The following HAO2 variants were observed in gnomAD, a reference collection of about 807,000 sequenced individuals.
The protein encoded by HAO2 is hydroxyacid oxidase 2.
In HAO2, 42 loss-of-function variants were observed where a neutral mutation model predicts 37.4. The observed-to-expected ratio is 1.12, with a 90% CI of 0.88 to 1.45. The LOEUF is 1.45. Ranked by LOEUF, HAO2 falls within the 40% of genes most tolerant of loss-of-function variation. HAO2 has a pLI of 0.00. For synonymous variants in HAO2, 180 were observed against 162.8 expected (o/e 1.11, Z -0.81); for missense variants, 476 against 430.2 (o/e 1.11, Z -0.94).
intron 4 of HAO2, 111 bp from the exon 5 acceptor site, chr1:119,386,511 C>T (rs1437422402): frequency 1.4e-6 from 1 of 710,620 alleles, no homozygotes; most frequent in Non-Finnish European, 2.5e-6. Flanking sequence ...CAGCCCTGTT[C>T]TTCCTCCTTC....
In HAO2 at chr1:119,392,647, C is replaced by T. The variant is rs1651007051; in HGVS notation, c.960C>T (p.Asn320=). ...KGEHGVKEVL[N]ILTNEFHTSM... is the part of the protein sequence containing the mutation. ...AACATGGTGTTAAGGAAGTTTTGAA[C>T]ATTTTAACAAATGAGTTCCACACTT... The change falls in exon 7 of 8, where the codon AAC becomes AAT. Residue 320 remains asparagine (N), a synonymous_variant. Transcript: ENST00000325945. 1 of 1,610,372 alleles carries T rather than the reference C, an allele frequency of 6.2e-7. No individual in the cohort carries two copies. The highest frequency in any genetic ancestry group is 8.5e-7 in the Non-Finnish European group (1 of 1,176,694).
Position 119,392,221 on chromosome 1 carries a change from A to G in HAO2, c.883A>G (p.Lys295Glu), listed in dbSNP as rs770039819. The change falls in exon 6 of 8, where the codon AAG becomes GAG. Residue 295 changes from lysine to glutamate, a missense_variant. Coordinates refer to ENST00000325945, the MANE Select transcript of HAO2 (RefSeq NM_016527.4). ...DVLKALALGA[K>E]CIFLGRPILW... is the part of the protein sequence containing the mutation. Reference sequence around the variant, plus strand: ...GCTGAAGGCTCTGGCCCTTGGAGCTAAGTGCATTTTTCTTGGGAGACCAAT... The same window carrying G: ...GCTGAAGGCTCTGGCCCTTGGAGCTGAGTGCATTTTTCTTGGGAGACCAAT... 5 of 1,613,252 alleles carry G rather than the reference A, an allele frequency of 3.1e-6. No individual in the cohort carries two copies. The highest frequency in any genetic ancestry group is 4.2e-6 in the Non-Finnish European group (5 of 1,179,528).
At chr1:119,381,398 G>A (rs1369552273) in intron 2 of HAO2, among the ~76,000 whole-genome samples, 182 bp downstream of exon 2, 1 of 152,072 alleles carries the variant, frequency 6.6e-6, no homozygotes, top group East Asian at 1.9e-4. Flanking sequence ...ATGGGAAGAT[G>A]GAAAAAGAGG....
intron 3 of HAO2, among the ~76,000 whole-genome samples, chr1:119,384,294 T>C (rs587669646): frequency 2.6e-5 from 4 of 152,322 alleles, no homozygotes; most frequent in African/African-American, 9.6e-5. Context: ...ATAAAGAAAA[T>C]GAGAGACTCA....
rs587611967 is a variant in HAO2 at position 119,370,713 on chromosome 1, G to A, written c.-9+1811G>A. Reference sequence around the variant, plus strand: ...TGACTCCCTCAGTCATTAGTTCCTTGGGCACAGTTGATCGGTGGAAAGCAA... The same window carrying A: ...TGACTCCCTCAGTCATTAGTTCCTTAGGCACAGTTGATCGGTGGAAAGCAA... On this transcript the variant is annotated intron_variant, in intron 1 of 7. Coordinates refer to ENST00000325945, the MANE Select transcript of HAO2 (RefSeq NM_016527.4). 5.9e-5 allele frequency among the ~76,000 whole-genome samples: 9 copies of A among 152,232 alleles called. No individual in the cohort carries two copies. In the South Asian group the frequency reaches 1.7e-3, roughly 28 times the overall value.
intron 3 of HAO2, among the ~76,000 whole-genome samples, chr1:119,383,661 C>CCAA (rs1463464592): frequency 1.3e-5 from 2 of 151,706 alleles, no homozygotes; most frequent in Non-Finnish European, 2.9e-5. Context: ...ACCACCACCG[C>CCAA]CAATAATAAT....
At chr1:119,392,448 C>T (rs1277517963) in intron 6 of HAO2, 170 bp from the exon 7 acceptor site, 2 of 706,948 alleles carry the variant, frequency 2.8e-6, no homozygotes, top group Non-Finnish European at 4.9e-6. Context: ...TAGCTTTCAT[C>T]CCCTATCTTT....
At chr1:119,382,616 C>T (rs750596483) in intron 2 of HAO2, among the ~76,000 whole-genome samples, 108 of 152,166 alleles carry the variant, frequency 7.1e-4, no homozygotes, top group Middle Eastern at 6.3e-3. Flanking sequence ...GGAGGCATGA[C>T]TCAAAGACAC....
intron 7 of HAO2, 107 bp from the exon 8 acceptor site, chr1:119,393,678 G>A (rs940795079): frequency 1.2e-6 from 1 of 861,964 alleles, no homozygotes. Flanking sequence ...ATAAGAGTGA[G>A]CACAAAGATC....
chr1:119,388,933 C>G (rs1361834419), intron 5 of HAO2, among the ~76,000 whole-genome samples: 1 of 150,556 alleles, frequency 6.6e-6, no homozygotes. Flanking sequence ...CCTTCACACC[C>G]TTTCTCCCTT....
At position 119,384,935 on chromosome 1, in the gene HAO2, TAG is replaced by T; in HGVS notation, c.444_445del (p.Gly149PhefsTer19). 6.2e-7 allele frequency: 1 copy of T among 1,613,924 alleles called. No individual in the cohort carries two copies. The highest frequency in any genetic ancestry group is 8.5e-7 in the Non-Finnish European group (1 of 1,179,826). On this transcript the variant is annotated frameshift_variant, in exon 4 of 8. Coordinates refer to ENST00000325945, the MANE Select transcript of HAO2 (RefSeq NM_016527.4). LOFTEE classifies it high-confidence loss of function. ...CAGTTGATCCAGAGGGTAGAATCCC[TAG>T]GTTTCAAAGCTTTGGTAATAACTTT...
intron 2 of HAO2, among the ~76,000 whole-genome samples, chr1:119,381,603 A>C (rs1368179274): frequency 1.3e-5 from 2 of 152,144 alleles, no homozygotes; most frequent in African/African-American, 4.8e-5. Flanking sequence ...GAGAACACTC[A>C]GGTTTGGAGA....
chr1:119,378,050 G>GA (rs60406721), intron 1 of HAO2, among the ~76,000 whole-genome samples: 20,044 of 151,926 alleles, frequency 0.13, 1,929 homozygotes, highest in African/African-American at 0.27. Flanking sequence ...ATTATAAAAA[G>GA]AAAAAAATGC....
At chr1:119,390,041 T>C (rs1650748539) in intron 5 of HAO2, among the ~76,000 whole-genome samples, 1 of 152,112 alleles carries the variant, frequency 6.6e-6, no homozygotes, top group African/African-American at 2.4e-5. Flanking sequence ...TTGTTAAATA[T>C]AGTATCCTTT....
chr1:119,383,084 C>G lies in HAO2; in HGVS notation c.283+18C>G. On this transcript the variant is annotated intron_variant, in intron 3 of 7. Transcript: ENST00000325945. ...AGCAAGAGGTATGAACCATCCCCAC[C>G]TCGAGGCTCCTTTCCGGGAGGAGGT... 1.3e-6 allele frequency: 2 copies of G among 1,594,498 alleles called. No homozygotes were observed. Among genetic ancestry groups the G allele is most frequent in the East Asian group, 2.3e-5 (1 of 44,126 alleles).
intron 1 of HAO2, chr1:119,380,816 G>A: frequency 2.5e-6 from 2 of 810,078 alleles, no homozygotes; most frequent in Non-Finnish European, 2.1e-6. Context: ...CAGTGGAGGA[G>A]AAGATATAAG....
intron 5 of HAO2, among the ~76,000 whole-genome samples, chr1:119,388,615 G>A (rs1353773041): frequency 1.3e-5 from 2 of 152,142 alleles, no homozygotes; most frequent in African/African-American, 4.8e-5. Flanking sequence ...TGCTTCAGGT[G>A]AAACCTGACC....
Position 119,378,242 on chromosome 1 carries a change from A to AAAAT in HAO2, c.-8-2820_-8-2817dup, listed in dbSNP as rs587767264. Among the ~76,000 whole-genome samples the AAAAT allele has an allele frequency of 3.9e-5, 6 of 152,208 alleles. No homozygotes were observed. The East Asian group carries it at 1.2e-3, about 29-fold the overall frequency. ...GGGCGACAGAGTGAGACTCCATCTC[A>AAAAT]AAATAAATAAATAAATAAACCCATC... is the stretch of plus-strand genomic sequence containing the variant. On this transcript the variant is annotated intron_variant, in intron 1 of 7. Coordinates refer to ENST00000325945, the MANE Select transcript of HAO2 (RefSeq NM_016527.4).
intron 1 of HAO2, chr1:119,380,744 T>C: frequency 6.6e-7 from 1 of 1,517,780 alleles, no homozygotes; most frequent in Non-Finnish European, 9.1e-7. Flanking sequence ...AAAATAAGAA[T>C]TTTTTGTAAT....
Sources: allele counts gnomAD v4.1 joint callset (sites outside exome capture counted in the v4.1 genomes callset), GRCh38; gene constraint gnomAD v4.1.1; transcripts MANE v1.5; gene names NCBI Gene and HGNC (gene_info 2026-07-23, HGNC 2026-07-21).